Variants in CASK observed in about 807,000 individuals in gnomAD.
The protein encoded by CASK is peripheral plasma membrane protein CASK.
In CASK, 4 loss-of-function variants were observed where a neutral mutation model predicts 82.9. The ratio of observed to expected loss-of-function variants is 0.05; its 90% CI spans 0.02 to 0.11. CASK has a LOEUF of 0.11. CASK is among the 10% of genes least tolerant of loss of function. The pLI is 1.00. For missense variants in CASK, 358 were observed against 720.9 expected (o/e 0.50, Z 5.76); for synonymous variants, 259 against 253.5 (o/e 1.02, Z -0.20).
chrX:41,856,279 G>A (rs1298900676), intron 1 of CASK, among the ~76,000 whole-genome samples: 1 of 111,491 alleles, frequency 9.0e-6, no homozygotes, highest in Non-Finnish European at 1.9e-5. Flanking sequence ...AAAAGGATTG[G>A]GAGTACAAGA....
In CASK at chrX:41,630,954, A is replaced by G. The variant is rs1052592998; in HGVS notation, c.916-4251T>C. The stretch of plus-strand genomic sequence containing the variant: ...ATGATTAATTAAATCAGAACTTTTG[A>G]TATGTCTCCATATAGCCAAAACCAG... On this transcript the variant is annotated intron_variant, in intron 9 of 26. Transcript: ENST00000378163. 2.7e-5 allele frequency among the ~76,000 whole-genome samples: 3 copies of G among 111,875 alleles called. No homozygotes were observed. In the Admixed American group the frequency reaches 2.9e-4, roughly 11 times the overall value.
At chrX:41,721,073 T>C (rs774771250) in intron 5 of CASK, among the ~76,000 whole-genome samples, 5 of 111,630 alleles carry the variant, frequency 4.5e-5, no homozygotes, top group Non-Finnish European at 9.4e-5. Flanking sequence ...AGATCAATAT[T>C]TGGCAGATGA....
intron 15 of CASK, among the ~76,000 whole-genome samples, chrX:41,575,842 T>C (rs2065477185): frequency 9.0e-6 from 1 of 111,629 alleles, no homozygotes; most frequent in Admixed American, 9.5e-5. Flanking sequence ...TTCACTAGGA[T>C]CATCGAAGAC....
chrX:41,672,312 T>G (rs2067207254), intron 5 of CASK, among the ~76,000 whole-genome samples: 1 of 110,852 alleles, frequency 9.0e-6, no homozygotes, highest in Non-Finnish European at 1.9e-5. Context: ...CTTTGTAGGA[T>G]GTTGTCCTCT....
intron 3 of CASK, among the ~76,000 whole-genome samples, chrX:41,758,209 C>T (rs2068932364): frequency 2.7e-5 from 3 of 110,788 alleles, no homozygotes; most frequent in East Asian, 2.9e-4. Context: ...CCCAGGCGGG[C>T]GGATAGCCTG....
In CASK at chrX:41,540,567, G is replaced by A. The variant is rs191115524; in HGVS notation, c.2155+2124C>T. On this transcript the variant is annotated intron_variant, in intron 22 of 26. Coordinates refer to ENST00000378163, the MANE Select transcript of CASK (RefSeq NM_001367721.1). ...CCCTCATTTCAAGGCCCGTAGGAGC[G>A]AAGTGATTTGCCCAAATTGCACGGT... is the stretch of plus-strand genomic sequence containing the variant. Among the ~76,000 whole-genome samples the A allele has an allele frequency of 6.0e-3, 676 of 112,343 alleles. 5 individuals are homozygous for A. Among genetic ancestry groups the A allele is most frequent in the African/African-American group, 0.021 (640 of 30,981 alleles).
intron 1 of CASK, among the ~76,000 whole-genome samples, chrX:41,862,429 T>C (rs946431040): frequency 7.4e-5 from 8 of 107,918 alleles, no homozygotes; most frequent in Admixed American, 7.0e-4. Flanking sequence ...TAATCCCGGC[T>C]ACTTGGGAGG....
intron 3 of CASK, among the ~76,000 whole-genome samples, chrX:41,771,379 C>A (rs949514970): frequency 3.6e-5 from 4 of 111,656 alleles, no homozygotes; most frequent in African/African-American, 1.3e-4. Flanking sequence ...CCAGATAAAA[C>A]CTTAGAGATG....
At chrX:41,819,718 T>C (rs1256243671) in intron 2 of CASK, among the ~76,000 whole-genome samples, 1 of 111,471 alleles carries the variant, frequency 9.0e-6, no homozygotes, top group Non-Finnish European at 1.9e-5. Flanking sequence ...ACCACATGGG[T>C]ATATAAAAAA....
chrX:41,861,863 TA>T (rs886857097), intron 1 of CASK, among the ~76,000 whole-genome samples: 7 of 102,391 alleles, frequency 6.8e-5, no homozygotes, highest in African/African-American at 2.1e-4. Context: ...ATATATAGTA[TA>T]ATATACATAC....
intron 3 of CASK, among the ~76,000 whole-genome samples, chrX:41,775,799 A>G (rs2069351387): frequency 1.0e-5 from 1 of 97,598 alleles, no homozygotes; most frequent in African/African-American, 3.7e-5. Flanking sequence ...AAAACCAAAC[A>G]CCGCATGTTC....
chrX:41,831,478 A>G (rs763041985), intron 2 of CASK, among the ~76,000 whole-genome samples: 7 of 112,690 alleles, frequency 6.2e-5, no homozygotes, highest in Non-Finnish European at 9.4e-5. Context: ...TTTGATTAGT[A>G]CATGGCAGTA....
At chrX:41,844,672 T>C (rs186286433) in intron 2 of CASK, among the ~76,000 whole-genome samples, 1 of 111,874 alleles carries the variant, frequency 8.9e-6, no homozygotes, top group African/African-American at 3.2e-5. Context: ...TTTATTGACT[T>C]CTTCCATTGT....
At chrX:41,641,891 T>C (rs1457008888) in intron 8 of CASK, among the ~76,000 whole-genome samples, 1 of 99,413 alleles carries the variant, frequency 1.0e-5, no homozygotes, top group African/African-American at 3.7e-5. Flanking sequence ...GCTATCCCTC[T>C]CCCCTCCCCC....
At chrX:41,646,553 A>C (rs1339088377) in intron 8 of CASK, among the ~76,000 whole-genome samples, 1 of 111,157 alleles carries the variant, frequency 9.0e-6, no homozygotes, top group African/African-American at 3.3e-5. Context: ...AGCCCAGAAC[A>C]CCCAGAACTT....
Position 41,553,748 on chromosome X carries a change from A to G in CASK, c.2010T>C (p.Gly670=). The G allele has an allele frequency of 8.3e-7, 1 of 1,206,142 alleles. No homozygotes were observed. Among genetic ancestry groups the G allele is most frequent in the South Asian group, 1.8e-5 (1 of 56,631 alleles). Residue 670 remains glycine (G), a synonymous_variant, in exon 21 of 27, where the codon GGT becomes GGC. Transcript: ENST00000378163. ...CCTGAAGTTCAGGAGAAGGAATGAGACCTGCAGTTCCATTTTTGGAGTTTT... is the reference window on the plus strand; with the variant it reads ...CCTGAAGTTCAGGAGAAGGAATGAGGCCTGCAGTTCCATTTTTGGAGTTTT... ...KLENSKNGTA[G]LIPSPELQEW...
chrX:41,769,292 C>T (rs1190487883), intron 3 of CASK, among the ~76,000 whole-genome samples: 13 of 105,601 alleles, frequency 1.2e-4, no homozygotes, highest in African/African-American at 4.2e-4. Context: ...ATCTCCTGTG[C>T]CCAAGTGATC....
At chrX:41,839,385 C>T (rs2070989818) in intron 2 of CASK, among the ~76,000 whole-genome samples, 1 of 111,846 alleles carries the variant, frequency 8.9e-6, no homozygotes, top group African/African-American at 3.2e-5. Flanking sequence ...TATACCTAAG[C>T]ATTTCATTTT....
At chrX:41,699,735 A>AT (rs896445899) in intron 5 of CASK, among the ~76,000 whole-genome samples, 2 of 111,249 alleles carry the variant, frequency 1.8e-5, no homozygotes, top group Non-Finnish European at 3.8e-5. Context: ...AATAAAATAC[A>AT]TTTTGATATA....
Sources: gnomAD v4.1 joint callset for allele counts (sites outside exome capture counted in the v4.1 genomes callset) on GRCh38, gnomAD v4.1.1 for gene constraint, MANE v1.5 for transcripts, NCBI Gene and HGNC (gene_info 2026-07-23, HGNC 2026-07-21) for gene names.